TRAPPC10: variants seen among roughly 807,000 people sequenced by gnomAD.
TRAPPC10 encodes TRAPP 130 kDa subunit.
TRAPPC10 carries 23 observed loss-of-function variants against 125.5 expected under a neutral mutation model. The ratio of observed to expected loss-of-function variants is 0.18; its 90% CI spans 0.13 to 0.26. The LOEUF is 0.26. Ranked by LOEUF, TRAPPC10 falls within the 10% of genes least tolerant of loss-of-function variation. The pLI is 1.00. For synonymous variants in TRAPPC10, 509 were observed against 518.0 expected, an observed-to-expected ratio of 0.98 and a Z score of 0.24; for missense variants, 1,123 against 1,308.4, an observed-to-expected ratio of 0.86 and a Z score of 2.19.
At chr21:44,088,671 G>A (rs1370058504) in intron 17 of TRAPPC10, 3 of 155,510 alleles carry the variant, frequency 1.9e-5, no homozygotes, top group Non-Finnish European at 2.9e-5. Context: ...CACCATTCAC[G>A]AAGGTGGCGC....
chr21:44,025,239 G>A (rs1455221295), intron 1 of TRAPPC10, among the ~76,000 whole-genome samples: 2 of 152,182 alleles, frequency 1.3e-5, no homozygotes, highest in Admixed American at 6.5e-5. Flanking sequence ...TTGCACCATT[G>A]GGAAACTGCC....
At chr21:44,054,761 C>T (rs1341950803) in intron 4 of TRAPPC10, among the ~76,000 whole-genome samples, 2 of 152,122 alleles carry the variant, frequency 1.3e-5, no homozygotes, top group Non-Finnish European at 2.9e-5. Flanking sequence ...GTTTATTAAC[C>T]TTCCCCTTCA....
At chr21:44,064,297 A>G (rs1345681060) in intron 7 of TRAPPC10, among the ~76,000 whole-genome samples, 1 of 149,838 alleles carries the variant, frequency 6.7e-6, no homozygotes, top group African/African-American at 2.5e-5. Context: ...AAGATATGTC[A>G]TAAATATGTG....
intron 6 of TRAPPC10, chr21:44,062,516 TG>T: frequency 1.0e-6 from 1 of 984,456 alleles, no homozygotes; most frequent in South Asian, 4.7e-5. Flanking sequence ...GACTGAAATG[TG>T]GGAGTGCCCC....
chr21:44,051,881 G>A (rs1169437461), intron 3 of TRAPPC10, among the ~76,000 whole-genome samples: 5 of 152,210 alleles, frequency 3.3e-5, no homozygotes, highest in African/African-American at 1.2e-4. Flanking sequence ...ATGAAGGCAC[G>A]GCACACAGCA....
chr21:44,067,773 C>A (rs2145959502), intron 7 of TRAPPC10, among the ~76,000 whole-genome samples: 1 of 152,092 alleles, frequency 6.6e-6, no homozygotes, highest in Middle Eastern at 3.4e-3. Context: ...TTTGCAGGTG[C>A]CTGATAGGTG....
At chr21:44,044,660 CTTTTTTTTTT>C (rs34356064) in intron 3 of TRAPPC10, among the ~76,000 whole-genome samples, 4 of 86,330 alleles carry the variant, frequency 4.6e-5, no homozygotes, top group South Asian at 8.6e-4. Context: ...AAAATCATGT[CTTTTTTTTTT>C]TTTTTTTTTT....
intron 4 of TRAPPC10, 104 bp from the exon 5 acceptor site, chr21:44,055,593 AG>A (rs35569697): frequency 1.9e-5 from 15 of 802,740 alleles, no homozygotes; most frequent in Non-Finnish European, 2.6e-5. Context: ...AAAAAAAAAA[AG>A]GAGGAGGAAG....
intron 1 of TRAPPC10, among the ~76,000 whole-genome samples, chr21:44,022,571 C>CCCAAAG (rs894902027): frequency 2.7e-5 from 4 of 150,536 alleles, no homozygotes; most frequent in African/African-American, 4.9e-5. Flanking sequence ...ACCTTTGCCT[C>CCCAAAG]CCAAAGTGCT....
chr21:44,067,735 C>T (rs1031339092), intron 7 of TRAPPC10, among the ~76,000 whole-genome samples: 3 of 152,066 alleles, frequency 2.0e-5, no homozygotes, highest in Non-Finnish European at 2.9e-5. Context: ...GCAGCTTTGC[C>T]GGATGCCTCA....
intron 3 of TRAPPC10, among the ~76,000 whole-genome samples, chr21:44,042,374 A>G (rs1363368124): frequency 6.6e-6 from 1 of 151,986 alleles, no homozygotes; most frequent in East Asian, 1.9e-4. Context: ...TTTGTATTTC[A>G]CCCTTTCATT....
intron 7 of TRAPPC10, among the ~76,000 whole-genome samples, chr21:44,064,174 A>G (rs1251276992): frequency 6.6e-6 from 1 of 152,188 alleles, no homozygotes; most frequent in African/African-American, 2.4e-5. Context: ...TCATGTAGAC[A>G]TTTATTTATT....
At chr21:44,066,754 G>T (rs2036481702) in intron 7 of TRAPPC10, among the ~76,000 whole-genome samples, 2 of 152,108 alleles carry the variant, frequency 1.3e-5, no homozygotes, top group South Asian at 4.1e-4. Flanking sequence ...GCAGCAGTTT[G>T]TATCCTTATA....
At chr21:44,047,265 C>T (rs1273037122) in intron 3 of TRAPPC10, among the ~76,000 whole-genome samples, 1 of 152,190 alleles carries the variant, frequency 6.6e-6, no homozygotes, top group Admixed American at 6.5e-5. Context: ...TCACCACAAC[C>T]TCTGCCTCCT....
At chr21:44,024,884 G>A (rs1442901337) in intron 1 of TRAPPC10, among the ~76,000 whole-genome samples, 1 of 151,956 alleles carries the variant, frequency 6.6e-6, no homozygotes, top group Non-Finnish European at 1.5e-5. Context: ...TTCCTTCCAC[G>A]TGAAAAACAT....
intron 2 of TRAPPC10, among the ~76,000 whole-genome samples, chr21:44,035,559 C>T (rs369524310): frequency 2.6e-5 from 4 of 152,068 alleles, no homozygotes; most frequent in Admixed American, 6.6e-5. Flanking sequence ...GAGGCCAAGG[C>T]GGGTAGATTG....
chr21:44,080,700 GC>G (rs2037640319), intron 13 of TRAPPC10, among the ~76,000 whole-genome samples: 1 of 151,912 alleles, frequency 6.6e-6, no homozygotes, highest in South Asian at 2.1e-4. Flanking sequence ...ACCATGCCCT[GC>G]TAATTTTTTG....
chr21:44,039,134 ACT>A (rs1392188958), intron 3 of TRAPPC10, among the ~76,000 whole-genome samples: 4 of 151,974 alleles, frequency 2.6e-5, no homozygotes, highest in South Asian at 2.1e-4. Flanking sequence ...CAGTAATCTA[ACT>A]CTGGGGAGCC....
Position 44,016,860 on chromosome 21 carries a change from G to T in TRAPPC10, c.67+4300G>T, listed in dbSNP as rs376801016. On this transcript the variant is annotated intron_variant, in intron 1 of 22. Transcript: ENST00000291574. ...TTTTTAGTAGAGACGGGGTTTCACC[G>T]TGTCAGCCAGGATGGTCTTGATCTG... Among the ~76,000 whole-genome samples, 32 of 152,198 alleles carry T rather than the reference G, an allele frequency of 2.1e-4. 1 individual carries two copies. Among genetic ancestry groups the T allele is most frequent in the African/African-American group, 5.8e-4 (24 of 41,532 alleles).
Sources: allele counts gnomAD v4.1 joint callset (sites outside exome capture counted in the v4.1 genomes callset), GRCh38; gene constraint gnomAD v4.1.1; transcripts MANE v1.5; gene names NCBI Gene and HGNC (gene_info 2026-07-23, HGNC 2026-07-21).